Variants in PTPN22 observed in about 807,000 individuals in gnomAD.
The protein encoded by PTPN22 is protein tyrosine phosphatase non-receptor type 22, also known as tyrosine-protein phosphatase non-receptor type 22.
A neutral mutation model predicts 103.3 loss-of-function variants in PTPN22; 85 were observed. The ratio of observed to expected loss-of-function variants is 0.82; its 90% CI spans 0.69 to 0.99. The LOEUF is 0.99. Among genes scored for constraint, PTPN22 ranks in the 50% least tolerant of loss-of-function variants. PTPN22 has a pLI of 0.00. For missense variants in PTPN22, 865 were observed against 936.9 expected, an observed-to-expected ratio of 0.92 and a Z score of 1.00; for synonymous variants, 323 against 310.2, an observed-to-expected ratio of 1.04 and a Z score of -0.43.
Position 113,848,727 on chromosome 1 carries a change from T to C in PTPN22, c.829-101A>G, listed in dbSNP as rs1229909690. 5 of 1,053,590 alleles carry C rather than the reference T, an allele frequency of 4.7e-6. No homozygotes were observed. In the African/African-American group the frequency reaches 6.4e-5, roughly 13 times the overall value. The allele number at this position is 1,053,590 out of a possible 1,614,324, so 65.3% of individuals were successfully genotyped here. A position where few individuals can be genotyped will look rare whatever the true frequency, so the allele number is the denominator to read the frequency against. On this transcript the variant is annotated intron_variant, in intron 10 of 20. Coordinates refer to ENST00000359785, the Ensembl canonical transcript of PTPN22. ...AATATGAACACCAATCAAATCCTAATATAGCAGACCCAAAAGGACGATCGG... is the reference window on the plus strand; with the variant it reads ...AATATGAACACCAATCAAATCCTAACATAGCAGACCCAAAAGGACGATCGG...
At chr1:113,842,257 AT>A (rs1663618668) in intron 11 of PTPN22, among the ~76,000 whole-genome samples, 2 of 152,226 alleles carry the variant, frequency 1.3e-5, no homozygotes, top group South Asian at 2.1e-4. Context: ...TTGAAGAGAC[AT>A]TTTTCCAAAG....
At chr1:113,840,116 C>G (rs200950066) in intron 11 of PTPN22, among the ~76,000 whole-genome samples, 1 of 151,118 alleles carries the variant, frequency 6.6e-6, no homozygotes, top group Non-Finnish European at 1.5e-5. Context: ...GAGGCTGAAG[C>G]AGGAGACTTG....
chr1:113,847,912 AT>A, intron 11 of PTPN22, among the ~76,000 whole-genome samples: 2 of 151,346 alleles, frequency 1.3e-5, no homozygotes, highest in Non-Finnish European at 2.9e-5. Context: ...ATTTGGAAAA[AT>A]TTTTTTGTAG....
chr1:113,853,532 T>C (rs1282214947), intron 9 of PTPN22, among the ~76,000 whole-genome samples: 1 of 151,204 alleles, frequency 6.6e-6, no homozygotes, highest in Non-Finnish European at 1.5e-5. Flanking sequence ...GTATTTTTAG[T>C]AGAGACAGGG....
At chr1:113,867,949 T>A (rs1666252330) in intron 1 of PTPN22, among the ~76,000 whole-genome samples, 1 of 152,254 alleles carries the variant, frequency 6.6e-6, no homozygotes, top group Non-Finnish European at 1.5e-5. Context: ...TAAAATGGCA[T>A]AGTATTTACA....
intron 19 of PTPN22, chr1:113,823,612 C>T (rs1661802586): frequency 1.3e-5 from 2 of 152,200 alleles, no homozygotes; most frequent in Non-Finnish European, 2.9e-5. Flanking sequence ...CTGTGCCAAC[C>T]TAAATCTACC....
chr1:113,871,527 C>A lies in PTPN22; in HGVS notation c.87+10G>T, dbSNP rs1282838263. ...GTAACTACCCTGAGAGGGTCACATA[C>A]AGGACTCACCAGAAATTCATTGGCA... On this transcript the variant is annotated intron_variant, in intron 1 of 20. Transcript: ENST00000359785. The A allele has an allele frequency of 6.2e-7, 1 of 1,612,460 alleles. No homozygotes were observed. Among genetic ancestry groups the A allele is most frequent in the East Asian group, 2.2e-5 (1 of 44,880 alleles).
intron 1 of PTPN22, among the ~76,000 whole-genome samples, chr1:113,860,402 G>C (rs2102141909): frequency 6.6e-6 from 1 of 152,280 alleles, no homozygotes; most frequent in Admixed American, 6.5e-5. Flanking sequence ...ACTATCTGCA[G>C]TTTCAGGCAT....
At chr1:113,830,052 A>C in intron 16 of PTPN22, 23 bp from the exon 17 acceptor site, 1 of 1,496,368 alleles carries the variant, frequency 6.7e-7, no homozygotes, top group Non-Finnish European at 9.2e-7. Context: ...AGTATACAAT[A>C]AACCAGAGAA....
At chr1:113,870,989 C>A (rs1666529475) in intron 1 of PTPN22, among the ~76,000 whole-genome samples, 1 of 152,146 alleles carries the variant, frequency 6.6e-6, no homozygotes, top group South Asian at 2.1e-4. Context: ...GCTGTGGTTG[C>A]ACTGCTGCAC....
At chr1:113,829,818 T>C in intron 17 of PTPN22, 111 bp from the exon 18 acceptor site, 1 of 1,190,060 alleles carries the variant, frequency 8.4e-7, no homozygotes, top group Non-Finnish European at 1.2e-6. Flanking sequence ...TTTGACTATA[T>C]ATTAGGGGCT....
chr1:113,832,337 G>A (rs759965726), intron 16 of PTPN22, among the ~76,000 whole-genome samples: 19 of 152,098 alleles, frequency 1.2e-4, no homozygotes, highest in Non-Finnish European at 2.1e-4. Context: ...ACAGGCACCC[G>A]CCACCACGCC....
chr1:113,843,968 C>T (rs371446751), intron 11 of PTPN22, among the ~76,000 whole-genome samples: 3 of 152,230 alleles, frequency 2.0e-5, no homozygotes, highest in Non-Finnish European at 4.4e-5. Context: ...TGGTGACTCA[C>T]GCCTGTAATC....
intron 16 of PTPN22, 53 bp downstream of exon 16, chr1:113,833,058 C>T: frequency 6.7e-7 from 1 of 1,492,094 alleles, no homozygotes; most frequent in Non-Finnish European, 9.3e-7. Context: ...CTTAACGAAC[C>T]ATTCTTCCAA....
intron 11 of PTPN22, 124 bp from the exon 12 acceptor site, chr1:113,838,744 A>G (rs971891758): frequency 3.8e-5 from 53 of 1,395,294 alleles, no homozygotes; most frequent in Non-Finnish European, 4.8e-5. Flanking sequence ...TTCATGAAAG[A>G]GTTAGATTAG....
chr1:113,834,768 G>T (rs145892512), intron 14 of PTPN22, 142 bp downstream of exon 14: 7 of 757,318 alleles, frequency 9.2e-6, no homozygotes, highest in Non-Finnish European at 1.6e-5. Flanking sequence ...ACTATGTTGC[G>T]CAGGCTAGTC....
intron 20 of PTPN22, 34 bp downstream of exon 20, chr1:113,819,543 T>C (rs779249908): frequency 4.0e-6 from 6 of 1,495,200 alleles, no homozygotes; most frequent in Non-Finnish European, 5.5e-6. Context: ...ATTTAGGTAA[T>C]TTTTTTAACT....
intron 11 of PTPN22, among the ~76,000 whole-genome samples, chr1:113,841,581 A>G (rs1467901529): frequency 1.3e-5 from 2 of 149,862 alleles, no homozygotes; most frequent in African/African-American, 5.0e-5. Context: ...AAAACTCAAC[A>G]ACATGTAAAC....
At chr1:113,870,214 A>G (rs1468333239) in intron 1 of PTPN22, among the ~76,000 whole-genome samples, 1 of 152,202 alleles carries the variant, frequency 6.6e-6, no homozygotes, top group African/African-American at 2.4e-5. Flanking sequence ...CTGTGAGGAT[A>G]GGTAGGACAT....
Sources: gnomAD v4.1 joint callset for allele counts (sites outside exome capture counted in the v4.1 genomes callset) on GRCh38, gnomAD v4.1.1 for gene constraint, MANE v1.5 for transcripts, NCBI Gene and HGNC (gene_info 2026-07-23, HGNC 2026-07-21) for gene names.